PRKAA1: variants seen among roughly 807,000 people sequenced by gnomAD.
PRKAA1 encodes the protein protein kinase AMP-activated catalytic subunit alpha 1.
In PRKAA1, 23 loss-of-function variants were observed where a neutral mutation model predicts 56.9. That is an observed-to-expected ratio of 0.40 (90% CI 0.29 to 0.57). The LOEUF is 0.57. Ranked by LOEUF, PRKAA1 falls within the 20% of genes least tolerant of loss-of-function variation. The pLI, the probability that PRKAA1 is intolerant of heterozygous loss-of-function variation, is 0.39. For missense variants in PRKAA1, 413 were observed against 679.7 expected (o/e 0.61, Z 4.36); for synonymous variants, 226 against 227.0 (o/e 1.00, Z 0.04).
chr5:40,778,944 C>A (rs1178797769), intron 1 of PRKAA1, among the ~76,000 whole-genome samples: 1 of 151,082 alleles, frequency 6.6e-6, no homozygotes, highest in Admixed American at 6.6e-5. Context: ...TACAGGCAGG[C>A]CCCACCACAC....
intron 1 of PRKAA1, 39 bp downstream of exon 1, chr5:40,798,024 C>T (rs200521998): frequency 1.2e-5 from 19 of 1,598,712 alleles, no homozygotes; most frequent in Middle Eastern, 1.8e-4. Context: ...TCGTGCGGCT[C>T]CTCAGCTGGG....
At chr5:40,781,452 A>G (rs1744261668) in intron 1 of PRKAA1, among the ~76,000 whole-genome samples, 1 of 152,184 alleles carries the variant, frequency 6.6e-6, no homozygotes, top group African/African-American at 2.4e-5. Flanking sequence ...TAGGAGAAAA[A>G]CTAAGAGAAT....
chr5:40,797,731 T>G (rs898718008), intron 1 of PRKAA1, among the ~76,000 whole-genome samples: 1 of 151,928 alleles, frequency 6.6e-6, no homozygotes, highest in African/African-American at 2.4e-5. Context: ...CGGCGCCCCC[T>G]CCCAGCACCC....
intron 2 of PRKAA1, among the ~76,000 whole-genome samples, chr5:40,776,335 TG>T (rs1405687063): frequency 6.6e-6 from 1 of 152,196 alleles, no homozygotes; most frequent in African/African-American, 2.4e-5. Context: ...GTGAAAACTG[TG>T]GGAAGAGCAG....
chr5:40,787,725 T>G, intron 1 of PRKAA1, among the ~76,000 whole-genome samples: 1 of 149,990 alleles, frequency 6.7e-6, no homozygotes, highest in Admixed American at 6.6e-5. Flanking sequence ...AAATCCAAAG[T>G]GGACCACTAC....
intron 1 of PRKAA1, among the ~76,000 whole-genome samples, chr5:40,787,511 G>T (rs900542187): frequency 6.6e-6 from 1 of 151,846 alleles, no homozygotes; most frequent in African/African-American, 2.4e-5. Flanking sequence ...ACAATAATTT[G>T]TTAAAGATAC....
At chr5:40,775,846 G>A (rs1261331314) in intron 2 of PRKAA1, among the ~76,000 whole-genome samples, 2 of 152,168 alleles carry the variant, frequency 1.3e-5, no homozygotes, top group African/African-American at 4.8e-5. Flanking sequence ...TATCTAGGAG[G>A]AAAGCGAAAC....
chr5:40,765,698 G>A (rs1032158667), intron 6 of PRKAA1, among the ~76,000 whole-genome samples: 4 of 151,650 alleles, frequency 2.6e-5, no homozygotes, highest in Non-Finnish European at 4.4e-5. Context: ...CCTCATCATC[G>A]AAACAATTAT....
At chr5:40,795,240 G>A (rs1372201427) in intron 1 of PRKAA1, among the ~76,000 whole-genome samples, 2 of 152,102 alleles carry the variant, frequency 1.3e-5, no homozygotes, top group Non-Finnish European at 2.9e-5. Context: ...ACTTGAGGGG[G>A]AAGAGTGGGA....
intron 1 of PRKAA1, among the ~76,000 whole-genome samples, chr5:40,778,346 T>C (rs1279434756): frequency 6.6e-6 from 1 of 152,208 alleles, no homozygotes; most frequent in Non-Finnish European, 1.5e-5. Context: ...TTTTCTCTTT[T>C]GCCAGATTCA....
chr5:40,765,624 G>GAA (rs1385582950), intron 6 of PRKAA1, among the ~76,000 whole-genome samples: 1 of 152,096 alleles, frequency 6.6e-6, no homozygotes, highest in Non-Finnish European at 1.5e-5. Context: ...AAAAATAGTA[G>GAA]ACAACTACTG....
chr5:40,792,825 G>A (rs1203553405), intron 1 of PRKAA1, among the ~76,000 whole-genome samples: 1 of 152,120 alleles, frequency 6.6e-6, no homozygotes, highest in Non-Finnish European at 1.5e-5. Flanking sequence ...CACTGTGGGA[G>A]GCTGAGGTGG....
At chr5:40,769,346 T>C (rs1016802542) in intron 5 of PRKAA1, 70 bp downstream of exon 5, 27 of 1,235,144 alleles carry the variant, frequency 2.2e-5, no homozygotes, top group Non-Finnish European at 2.7e-5. Flanking sequence ...TATGACACTA[T>C]AGACTAACAA....
At position 40,762,229 on chromosome 5, in the gene PRKAA1, A is replaced by G. The variant is rs566791364; in HGVS notation, c.*549T>C. ...GGAGGTTGCAGTGAGCCGAGACCAC[A>G]CCATTGCACTCCAGCCTGGGTGACA... On this transcript the variant is annotated 3_prime_UTR_variant, in exon 9 of 9. Coordinates refer to ENST00000397128, the MANE Select transcript of PRKAA1 (RefSeq NM_006251.6). 636 of 154,500 alleles carry G rather than the reference A, an allele frequency of 4.1e-3. 4 individuals carry two copies. The highest frequency in any genetic ancestry group is 0.015 in the African/African-American group (609 of 41,570). 9.6% of individuals were successfully genotyped at this position (154,500 alleles called of 1,614,324 possible).
intron 6 of PRKAA1, among the ~76,000 whole-genome samples, chr5:40,765,819 C>G (rs1476424451): frequency 6.6e-6 from 1 of 151,932 alleles, no homozygotes; most frequent in Non-Finnish European, 1.5e-5. Flanking sequence ...GATTATGACC[C>G]AGTTCTGTGT....
At chr5:40,769,387 A>G (rs1231870831) in intron 5 of PRKAA1, 29 bp downstream of exon 5, 4 of 1,513,498 alleles carry the variant, frequency 2.6e-6, no homozygotes, top group Middle Eastern at 3.4e-4. Context: ...TTTCAAATGT[A>G]TTGAGGGAGG....
chr5:40,794,575 GA>G (rs1208716975), intron 1 of PRKAA1, among the ~76,000 whole-genome samples: 1 of 68,828 alleles, frequency 1.5e-5, no homozygotes, highest in African/African-American at 4.0e-5. Context: ...CCAATGTCTA[GA>G]AGGGTTTTTC....
rs186612965 is a variant in PRKAA1 at position 40,763,273 on chromosome 5, T to C, written c.1436-251A>G. Among the ~76,000 whole-genome samples the C allele has an allele frequency of 4.1e-3, 629 of 152,264 alleles. 1 individual carries two copies. The highest frequency in any genetic ancestry group is 0.013 in the African/African-American group (552 of 41,546). ...CTACTCATCAGTTGCAATCCAAGGT[T>C]AAGAGCCCAGTAAACCAACAATCTA... On this transcript the variant is annotated intron_variant, in intron 8 of 8. Transcript: ENST00000397128.
At position 40,764,978 on chromosome 5, in the gene PRKAA1, A is replaced by G. The variant is rs779274909; in HGVS notation, c.1082T>C (p.Phe361Ser). ...FYLATSPPDSFLDDHHLTRPH... is the reference protein window; with the variant it reads ...FYLATSPPDSSLDDHHLTRPH... The stretch of plus-strand genomic sequence containing the variant: ...CCGAGTCAGGTGATGATCATCAAGA[A>G]AAGAATCAGGTGGGCTTGTCGCCAA... The change falls in exon 7 of 9, where the codon TTT becomes TCT. Residue 361 changes from phenylalanine (F) to serine (S), a missense_variant. This residue lies in a region of PRKAA1 where 50 missense variants were observed against 87.7 expected (regional missense o/e 0.57). Coordinates refer to ENST00000397128, the MANE Select transcript of PRKAA1 (RefSeq NM_006251.6). The G allele has an allele frequency of 6.2e-7, 1 of 1,614,196 alleles. No homozygotes were observed. The highest frequency in any genetic ancestry group is 8.5e-7 in the Non-Finnish European group (1 of 1,180,026).
Sources: gnomAD v4.1 joint callset for allele counts (sites outside exome capture counted in the v4.1 genomes callset) on GRCh38, gnomAD v4.1.1 for gene constraint, gnomAD v4.1.1 regional missense constraint, MANE v1.5 for transcripts, NCBI Gene and HGNC (gene_info 2026-07-23, HGNC 2026-07-21) for gene names.